GRXCR1: variants seen among roughly 807,000 people sequenced by gnomAD.
GRXCR1 encodes glutaredoxin domain-containing cysteine-rich protein 1.
Under a neutral mutation model 27.3 loss-of-function variants are expected in GRXCR1, and 27 were observed. The observed-to-expected ratio is 0.99, with a 90% CI of 0.73 to 1.37. The LOEUF (loss-of-function observed/expected upper bound fraction) is 1.37, where lower values mean the gene tolerates loss of function less well. Among genes scored for constraint, GRXCR1 ranks in the 40% most tolerant of loss-of-function variants. The pLI is 0.00. For synonymous variants in GRXCR1, 122 were observed against 131.1 expected, an observed-to-expected ratio of 0.93 and a Z score of 0.47; for missense variants, 379 against 354.4, an observed-to-expected ratio of 1.07 and a Z score of -0.56.
At chr4:42,929,858 A>G (rs1392185451) in intron 1 of GRXCR1, among the ~76,000 whole-genome samples, 1 of 151,982 alleles carries the variant, frequency 6.6e-6, no homozygotes, top group Non-Finnish European at 1.5e-5. Context: ...CCCTCTGTGC[A>G]TGTATTATCT....
chr4:42,909,646 G>A (rs527420632), intron 1 of GRXCR1, among the ~76,000 whole-genome samples: 4 of 152,104 alleles, frequency 2.6e-5, no homozygotes, highest in East Asian at 1.9e-4. Flanking sequence ...GTAACTTTAC[G>A]TCTATGTTGC....
rs369127714 is a variant in GRXCR1, at chr4:42,994,812, CTGTT to C, written c.628-25541_628-25538del. Among the ~76,000 whole-genome samples, 67 of 152,208 alleles carry C rather than the reference CTGTT, an allele frequency of 4.4e-4. 2 individuals carry two copies. In the South Asian group the frequency reaches 1.0e-2, roughly 23 times the overall value. ...ATTAGATTTGAATTTTGAAAGTTCA[CTGTT>C]AGTTTATCCTTACATGTTACTTTAA... is the stretch of plus-strand genomic sequence containing the variant. On this transcript the variant is annotated intron_variant, in intron 2 of 3. Coordinates refer to ENST00000399770, the MANE Select transcript of GRXCR1 (RefSeq NM_001080476.3).
intron 1 of GRXCR1, among the ~76,000 whole-genome samples, chr4:42,909,135 C>T (rs564834163): frequency 1.8e-4 from 27 of 152,244 alleles, no homozygotes; most frequent in Non-Finnish European, 2.9e-4. Context: ...CACTTAGCAC[C>T]CTTTCCCCAG....
intron 2 of GRXCR1, among the ~76,000 whole-genome samples, chr4:43,003,128 C>T (rs977234032): frequency 6.6e-6 from 1 of 152,134 alleles, no homozygotes; most frequent in African/African-American, 2.4e-5. Flanking sequence ...CCTAGGCATG[C>T]TTCCTGTTAA....
chr4:42,943,517 T>C (rs577140647), intron 1 of GRXCR1, among the ~76,000 whole-genome samples: 2 of 152,044 alleles, frequency 1.3e-5, no homozygotes. Flanking sequence ...CAGGGCAGAG[T>C]CCTGGACACT....
intron 2 of GRXCR1, among the ~76,000 whole-genome samples, chr4:43,011,830 C>T (rs1308151470): frequency 1.3e-5 from 2 of 152,034 alleles, no homozygotes; most frequent in Admixed American, 1.3e-4. Context: ...GGGATGATGT[C>T]TTTGATTCCT....
At chr4:42,893,934 G>A (rs1045230085) in intron 1 of GRXCR1, among the ~76,000 whole-genome samples, 4 of 152,020 alleles carry the variant, frequency 2.6e-5, no homozygotes, top group Non-Finnish European at 4.4e-5. Context: ...TCTTTGCTAA[G>A]GAAAAAGATA....
chr4:42,981,008 T>A (rs186029923), intron 2 of GRXCR1, among the ~76,000 whole-genome samples: 7 of 151,924 alleles, frequency 4.6e-5, no homozygotes, highest in Non-Finnish European at 1.0e-4. Flanking sequence ...ATTGGAGAAT[T>A]GAATCAATTT....
chr4:42,999,254 C>T (rs1180342956), intron 2 of GRXCR1, among the ~76,000 whole-genome samples: 1 of 152,196 alleles, frequency 6.6e-6, no homozygotes, highest in South Asian at 2.1e-4. Flanking sequence ...TCTGGTTTCT[C>T]TGCACATCAT....
At chr4:43,025,671 C>T (rs778145434) in intron 3 of GRXCR1, among the ~76,000 whole-genome samples, 1 of 152,178 alleles carries the variant, frequency 6.6e-6, no homozygotes, top group East Asian at 1.9e-4. Context: ...AGCAGTCAAT[C>T]TCTTCATTGA....
At chr4:42,920,908 G>A (rs1746994396) in intron 1 of GRXCR1, among the ~76,000 whole-genome samples, 1 of 139,508 alleles carries the variant, frequency 7.2e-6, no homozygotes, top group African/African-American at 2.9e-5. Flanking sequence ...ACTTTGCTAT[G>A]CGGCTATCAT....
rs1403642756 is a variant in GRXCR1, at chr4:42,908,054, C to T, written c.384+14404C>T. Reference sequence around the variant, plus strand: ...TGCCTTCCTACAGGGGGGTCATCTCCTGAACTGATGCATCAGCCACACCTT... The same window carrying T: ...TGCCTTCCTACAGGGGGGTCATCTCTTGAACTGATGCATCAGCCACACCTT... On this transcript the variant is annotated intron_variant, in intron 1 of 3. Transcript: ENST00000399770. Among the ~76,000 whole-genome samples the T allele has an allele frequency of 2.0e-5, 3 of 152,140 alleles. No individual in the cohort carries two copies. The East Asian group carries it at 5.8e-4, about 29-fold the overall frequency.
intron 2 of GRXCR1, among the ~76,000 whole-genome samples, chr4:43,008,942 C>T (rs1302266740): frequency 6.6e-6 from 1 of 152,200 alleles, no homozygotes; most frequent in Non-Finnish European, 1.5e-5. Context: ...TCTTTAGAGT[C>T]TGTTACTTTG....
chr4:42,988,466 C>A (rs560109064), intron 2 of GRXCR1, among the ~76,000 whole-genome samples: 54 of 152,214 alleles, frequency 3.5e-4, no homozygotes, highest in Admixed American at 3.9e-4. Flanking sequence ...CAAAAAATAA[C>A]CTTTCAAGGT....
At chr4:42,945,515 A>T (rs752542514) in intron 1 of GRXCR1, among the ~76,000 whole-genome samples, 7 of 152,072 alleles carry the variant, frequency 4.6e-5, no homozygotes, top group Non-Finnish European at 8.8e-5. Context: ...TTCTATACTT[A>T]TATTCTCACA....
intron 1 of GRXCR1, among the ~76,000 whole-genome samples, chr4:42,931,227 A>G (rs962088275): frequency 6.6e-6 from 1 of 152,012 alleles, no homozygotes; most frequent in Non-Finnish European, 1.5e-5. Flanking sequence ...GCCCACTTCA[A>G]TAAGTAAAAT....
chr4:42,940,356 C>G (rs1747588422), intron 1 of GRXCR1, among the ~76,000 whole-genome samples: 1 of 152,048 alleles, frequency 6.6e-6, no homozygotes, highest in Non-Finnish European at 1.5e-5. Context: ...GCATCTGTCT[C>G]TATAGTTTTC....
At chr4:42,934,914 T>G (rs1268931971) in intron 1 of GRXCR1, among the ~76,000 whole-genome samples, 2 of 151,992 alleles carry the variant, frequency 1.3e-5, no homozygotes, top group African/African-American at 4.8e-5. Flanking sequence ...TAGTAAACTA[T>G]GCAATGAACA....
intron 1 of GRXCR1, among the ~76,000 whole-genome samples, chr4:42,905,981 G>T (rs1245441067): frequency 6.6e-6 from 1 of 152,108 alleles, no homozygotes; most frequent in Non-Finnish European, 1.5e-5. Flanking sequence ...CTCACATTGG[G>T]TCATGCTTCT....
Sources: allele counts gnomAD v4.1 joint callset (sites outside exome capture counted in the v4.1 genomes callset), GRCh38; gene constraint gnomAD v4.1.1; transcripts MANE v1.5; gene names NCBI Gene and HGNC (gene_info 2026-07-23, HGNC 2026-07-21).